The following KIF4A variants were observed in gnomAD, a reference collection of about 807,000 sequenced individuals.
KIF4A encodes chromosome-associated kinesin KIF4A.
A neutral mutation model predicts 105.9 loss-of-function variants in KIF4A; 7 were observed. That is an observed-to-expected ratio of 0.07 (90% CI 0.04 to 0.12). The LOEUF (loss-of-function observed/expected upper bound fraction) is 0.12. KIF4A is among the 10% of genes least tolerant of loss of function. KIF4A has a pLI of 1.00. For missense variants in KIF4A, 558 were observed against 929.2 expected (o/e 0.60, Z 5.19); for synonymous variants, 281 against 331.3 (o/e 0.85, Z 1.65).
intron 7 of KIF4A, among the ~76,000 whole-genome samples, chrX:70,322,798 C>T (rs1316554953): frequency 2.8e-5 from 3 of 107,440 alleles, no homozygotes; most frequent in African/African-American, 1.0e-4. Flanking sequence ...TTACTTCACT[C>T]TCTTTTCTCT....
chrX:70,316,123 T>C (rs2085868278), intron 7 of KIF4A, among the ~76,000 whole-genome samples: 3 of 111,918 alleles, frequency 2.7e-5, no homozygotes, highest in African/African-American at 9.7e-5. Context: ...TTCAACTTAC[T>C]ATCTTCCCAA....
At chrX:70,380,792 T>C (rs941832739) in intron 18 of KIF4A, among the ~76,000 whole-genome samples, 7 of 112,027 alleles carry the variant, frequency 6.2e-5, no homozygotes, top group African/African-American at 2.3e-4. Flanking sequence ...GAGAATCCAC[T>C]AAAAGTCTAT....
rs768772790 is a variant in KIF4A at position 70,402,701 on chromosome X, C to T, written c.2619+6C>T. On this transcript the variant is annotated splice_donor_region_variant and intron_variant, in intron 23 of 30. Transcript: ENST00000374403. ...TGAAATATTTGATTGGAGAGGTAAACATCACTCTAACCAGCAGTTAGGAGG... is the reference window on the plus strand; with the variant it reads ...TGAAATATTTGATTGGAGAGGTAAATATCACTCTAACCAGCAGTTAGGAGG... 8.3e-7 allele frequency: 1 copy of T among 1,206,410 alleles called. No individual in the cohort carries two copies. Among genetic ancestry groups the T allele is most frequent in the Admixed American group, 2.2e-5 (1 of 45,421 alleles).
chrX:70,301,229 A>C (rs780449974), intron 5 of KIF4A, among the ~76,000 whole-genome samples: 2 of 111,814 alleles, frequency 1.8e-5, no homozygotes, highest in South Asian at 7.6e-4. Flanking sequence ...TGTAAGTGGT[A>C]AGGTAGATCA....
chrX:70,365,141 T>G (rs1448129177), intron 15 of KIF4A, among the ~76,000 whole-genome samples: 24 of 111,968 alleles, frequency 2.1e-4, no homozygotes, highest in African/African-American at 7.1e-4. Flanking sequence ...GGAGATTATG[T>G]GCTGAGACGA....
chrX:70,401,429 A>G (rs1332856153), intron 22 of KIF4A, among the ~76,000 whole-genome samples: 1 of 95,525 alleles, frequency 1.0e-5, no homozygotes, highest in Non-Finnish European at 2.1e-5. Context: ...GAGATGGAGT[A>G]TTGCTCTGTC....
At chrX:70,374,907 T>C (rs1384090059) in intron 16 of KIF4A, among the ~76,000 whole-genome samples, 2 of 112,346 alleles carry the variant, frequency 1.8e-5, no homozygotes, top group African/African-American at 6.5e-5. Context: ...ATCAGAATTA[T>C]TCTTCATAGC....
At chrX:70,352,417 A>G (rs1395560515) in intron 13 of KIF4A, among the ~76,000 whole-genome samples, 183 bp from the exon 14 acceptor site, 1 of 112,189 alleles carries the variant, frequency 8.9e-6, no homozygotes, top group African/African-American at 3.2e-5. Context: ...TTTATGAAGA[A>G]GAAAGACTCT....
At chrX:70,371,657 A>AC (rs1423005587) in intron 15 of KIF4A, among the ~76,000 whole-genome samples, 4 of 91,659 alleles carry the variant, frequency 4.4e-5, no homozygotes, top group Non-Finnish European at 8.6e-5. Context: ...TGGGGGGCTG[A>AC]CCCCCCTACC....
intron 25 of KIF4A, among the ~76,000 whole-genome samples, 172 bp from the exon 26 acceptor site, chrX:70,405,656 G>A (rs1302525147): frequency 9.0e-6 from 1 of 110,982 alleles, no homozygotes; most frequent in Non-Finnish European, 1.9e-5. Flanking sequence ...TGGCATTCAG[G>A]GCACCTAGGA....
chrX:70,290,211 G>A (rs1420193664), intron 1 of KIF4A, 61 bp downstream of exon 1: 27 of 352,066 alleles, frequency 7.7e-5, no homozygotes, highest in Non-Finnish European at 1.2e-4. Flanking sequence ...CTAGGGCTTT[G>A]GTTCTTTGTC....
At chrX:70,302,848 C>T (rs1052358968) in intron 7 of KIF4A, among the ~76,000 whole-genome samples, 1 of 111,533 alleles carries the variant, frequency 9.0e-6, no homozygotes, top group African/African-American at 3.3e-5. Flanking sequence ...TATTAGAAAC[C>T]TTCTTCTAAC....
chrX:70,406,347 C>T lies in KIF4A; in HGVS notation c.3065C>T (p.Pro1022Leu). 1 of 1,193,614 alleles carries T rather than the reference C, an allele frequency of 8.4e-7. No individual in the cohort carries two copies. The highest frequency in any genetic ancestry group is 3.0e-5 in the East Asian group (1 of 33,774). ...CCAGACTCTTCTTTTGAATATGTCC[C>T]ACCTAAGGTAAAATGATCAGTGCCT... ...LSPDSSFEYVPPKPKPSRVKE... is the reference protein window; with the variant it reads ...LSPDSSFEYVLPKPKPSRVKE... The change falls in exon 27 of 31, where the codon CCA (proline) becomes CTA (leucine). Residue 1022 changes from proline to leucine, a missense_variant. By Grantham distance (98) the Pro-to-Leu change is moderately conservative (BLOSUM62 -3). This residue lies in a region of KIF4A where 469 missense variants were observed against 680.4 expected (regional missense o/e 0.69). Coordinates refer to ENST00000374403, the MANE Select transcript of KIF4A (RefSeq NM_012310.5).
intron 7 of KIF4A, among the ~76,000 whole-genome samples, chrX:70,318,901 T>C (rs1311168142): frequency 8.9e-6 from 1 of 112,370 alleles, no homozygotes; most frequent in Non-Finnish European, 1.9e-5. Context: ...CCCCACCCTG[T>C]GTGTTTTGCA....
chrX:70,410,074 A>G, intron 28 of KIF4A, among the ~76,000 whole-genome samples: 1 of 112,256 alleles, frequency 8.9e-6, no homozygotes, highest in East Asian at 2.8e-4. Flanking sequence ...GAAAGTGAAT[A>G]TAACTGGGCT....
At chrX:70,333,829 A>G (rs932015956) in intron 10 of KIF4A, 140 bp downstream of exon 10, 1 of 432,866 alleles carries the variant, frequency 2.3e-6, no homozygotes, top group Admixed American at 3.4e-5. Flanking sequence ...GGACTTAGTT[A>G]TGTTTGAAGC....
intron 20 of KIF4A, among the ~76,000 whole-genome samples, chrX:70,393,799 C>CTCTTTCTT (rs1226256913): frequency 1.5e-4 from 9 of 58,554 alleles, no homozygotes; most frequent in African/African-American, 6.7e-4. Flanking sequence ...CTTTTCTTTT[C>CTCTTTCTT]TCTTTCTTTC....
intron 3 of KIF4A, among the ~76,000 whole-genome samples, chrX:70,294,073 T>C (rs2085771326): frequency 8.9e-6 from 1 of 112,572 alleles, no homozygotes; most frequent in Non-Finnish European, 1.9e-5. Flanking sequence ...GAATAAACAT[T>C]TTCACTCTGC....
Position 70,405,925 on chromosome X carries a change from AC to A in KIF4A, c.2976+21del, listed in dbSNP as rs1414917432. 2 of 1,163,171 alleles carry A rather than the reference AC, an allele frequency of 1.7e-6. No homozygotes were observed. Among genetic ancestry groups the A allele is most frequent in the Admixed American group, 4.4e-5 (2 of 45,874 alleles). On this transcript the variant is annotated intron_variant, in intron 26 of 30. Coordinates refer to ENST00000374403, the MANE Select transcript of KIF4A (RefSeq NM_012310.5). ...AAGCAGGTAATACAGTTTCCCACCC[AC>A]TTGATAAGCCCTAAGAGACCCCGTT...
Sources: gnomAD v4.1 joint callset for allele counts (sites outside exome capture counted in the v4.1 genomes callset) on GRCh38, gnomAD v4.1.1 for gene constraint, gnomAD v4.1.1 regional missense constraint, MANE v1.5 for transcripts, NCBI Gene and HGNC (gene_info 2026-07-23, HGNC 2026-07-21) for gene names.